Variants in C12orf54 observed in about 807,000 individuals in gnomAD.
The protein encoded by C12orf54 is chromosome 12 open reading frame 54.
A neutral mutation model predicts 26.4 loss-of-function variants in C12orf54; 24 were observed. That is an observed-to-expected ratio of 0.91 (90% CI 0.66 to 1.28). C12orf54 has a LOEUF of 1.28. Among genes scored for constraint, C12orf54 ranks in the 50% most tolerant of loss-of-function variants. The probability of loss-of-function intolerance (pLI) is 0.00; values close to 1 mark genes in which losing one functional copy is unlikely to be tolerated. For missense variants in C12orf54, 154 were observed against 150.9 expected (o/e 1.02, Z -0.11); for synonymous variants, 54 against 47.0 (o/e 1.15, Z -0.61).
chr12:48,484,232 C>A (rs1438947011), intron 2 of C12orf54, among the ~76,000 whole-genome samples: 2 of 152,132 alleles, frequency 1.3e-5, no homozygotes, highest in Non-Finnish European at 2.9e-5. Context: ...AAAATGACTT[C>A]TAAATTTCTA....
At chr12:48,421,858 T>A in the C12orf54 span, among the ~76,000 whole-genome samples, 1 of 152,172 alleles carries the variant, frequency 6.6e-6, no homozygotes, top group African/African-American at 2.4e-5. Flanking sequence ...TGTGAGTGGT[T>A]GCTTTTTTAA....
the C12orf54 span, among the ~76,000 whole-genome samples, chr12:48,438,646 C>A: frequency 2.6e-5 from 4 of 152,068 alleles, no homozygotes; most frequent in African/African-American, 4.8e-5. Context: ...GAAAAACAAG[C>A]AATGGGGAAA....
chr12:48,431,278 C>G, the C12orf54 span, among the ~76,000 whole-genome samples: 1 of 152,008 alleles, frequency 6.6e-6, no homozygotes, highest in Non-Finnish European at 1.5e-5. Flanking sequence ...CACCTGTACC[C>G]TCAATAACCT....
chr12:48,465,374 C>A, the C12orf54 span, among the ~76,000 whole-genome samples: 5 of 152,140 alleles, frequency 3.3e-5, no homozygotes, highest in Non-Finnish European at 2.9e-5. Flanking sequence ...CACCATCTTA[C>A]ACCAGACAGA....
chr12:48,441,571 G>GAATAA, the C12orf54 span, among the ~76,000 whole-genome samples: 1 of 152,114 alleles, frequency 6.6e-6, no homozygotes, highest in Non-Finnish European at 1.5e-5. Context: ...GGGGTTGGGG[G>GAATAA]TGGGGAGGTG....
chr12:48,436,138 A>G, the C12orf54 span, among the ~76,000 whole-genome samples: 1 of 152,222 alleles, frequency 6.6e-6, no homozygotes, highest in Non-Finnish European at 1.5e-5. Flanking sequence ...ACTTTAAACC[A>G]ACAAAGATCA....
At chr12:48,415,286 T>G in the C12orf54 span, among the ~76,000 whole-genome samples, 1 of 152,250 alleles carries the variant, frequency 6.6e-6, no homozygotes, top group Admixed American at 6.5e-5. Context: ...CATACTGCTT[T>G]ATTTTCTCAA....
At chr12:48,463,144 T>C in the C12orf54 span, among the ~76,000 whole-genome samples, 1 of 151,814 alleles carries the variant, frequency 6.6e-6, no homozygotes, top group African/African-American at 2.4e-5. Context: ...TACAATAGCA[T>C]CAAGAAATAT....
the C12orf54 span, among the ~76,000 whole-genome samples, chr12:48,467,451 G>T: frequency 3.9e-5 from 6 of 152,022 alleles, no homozygotes; most frequent in African/African-American, 1.2e-4. Context: ...ATACTACTCA[G>T]CAATGAAAAT....
the C12orf54 span, among the ~76,000 whole-genome samples, chr12:48,459,795 C>T: frequency 7.2e-5 from 11 of 152,016 alleles, no homozygotes; most frequent in South Asian, 4.1e-4. Context: ...CCTTGTCCAG[C>T]AGAATCGCAC....
chr12:48,482,271 G>A (rs962675346), upstream of C12orf54, among the ~76,000 whole-genome samples: 1 of 152,122 alleles, frequency 6.6e-6, no homozygotes, highest in Non-Finnish European at 1.5e-5. Flanking sequence ...TCATCTCTAA[G>A]AATCAATGGA....
the C12orf54 span, among the ~76,000 whole-genome samples, chr12:48,448,178 C>T: frequency 6.6e-6 from 1 of 152,170 alleles, no homozygotes; most frequent in East Asian, 1.9e-4. Flanking sequence ...ACCATGTAAG[C>T]CACTCGGTAC....
At chr12:48,467,558 A>C in the C12orf54 span, among the ~76,000 whole-genome samples, 1 of 152,182 alleles carries the variant, frequency 6.6e-6, no homozygotes, top group Non-Finnish European at 1.5e-5. Flanking sequence ...GTATAATTTT[A>C]TTTAAATAAA....
At chr12:48,474,515 C>A in the C12orf54 span, among the ~76,000 whole-genome samples, 1 of 152,186 alleles carries the variant, frequency 6.6e-6, no homozygotes, top group Non-Finnish European at 1.5e-5. Flanking sequence ...TGACAGATGG[C>A]ACCTGGAAAA....
the C12orf54 span, among the ~76,000 whole-genome samples, chr12:48,454,928 A>G: frequency 6.6e-6 from 1 of 152,158 alleles, no homozygotes; most frequent in Non-Finnish European, 1.5e-5. Flanking sequence ...AGTTTCTTCA[A>G]ATCATAGGGG....
At chr12:48,463,284 T>G in the C12orf54 span, among the ~76,000 whole-genome samples, 1 of 151,976 alleles carries the variant, frequency 6.6e-6, no homozygotes, top group Non-Finnish European at 1.5e-5. Flanking sequence ...CATCAGAGAT[T>G]ATTATGAACA....
chr12:48,488,266 G>T (rs1003729071), intron 4 of C12orf54: 5 of 614,158 alleles, frequency 8.1e-6, no homozygotes, highest in Non-Finnish European at 1.5e-5. Context: ...CGGCCTAAAG[G>T]TCTGGAGGAT....
intron 8 of C12orf54, chr12:48,495,662 G>A (rs576686709): frequency 6.6e-6 from 1 of 152,508 alleles, no homozygotes; most frequent in African/African-American, 2.4e-5. Context: ...GGGCTCATTA[G>A]GAATTCCTTT....
chr12:48,480,542 C>T (rs1390774350), upstream of C12orf54, among the ~76,000 whole-genome samples: 2 of 152,178 alleles, frequency 1.3e-5, no homozygotes, highest in Non-Finnish European at 2.9e-5. Flanking sequence ...CATCTCATCT[C>T]ACACCAGTCA....
Sources: gnomAD v4.1 joint callset for allele counts (sites outside exome capture counted in the v4.1 genomes callset) on GRCh38, gnomAD v4.1.1 for gene constraint, MANE v1.5 for transcripts, NCBI Gene and HGNC (gene_info 2026-07-23, HGNC 2026-07-21) for gene names.